The following PKM variants were observed in gnomAD, a reference collection of about 807,000 sequenced individuals.
The protein encoded by PKM is pyruvate kinase M1/2.
Under a neutral mutation model 49.8 loss-of-function variants are expected in PKM, and 18 were observed. The ratio of observed to expected loss-of-function variants is 0.36; its 90% CI spans 0.25 to 0.54. PKM has a LOEUF of 0.54. PKM is among the 20% of genes least tolerant of loss of function. The probability of loss-of-function intolerance (pLI) is 0.89; values close to 1 mark genes in which losing one functional copy is unlikely to be tolerated. For missense variants in PKM, 508 were observed against 713.8 expected, an observed-to-expected ratio of 0.71 and a Z score of 3.28; for synonymous variants, 239 against 261.8, an observed-to-expected ratio of 0.91 and a Z score of 0.84.
chr15:72,215,948 T>C (rs1470307631), intron 3 of PKM, among the ~76,000 whole-genome samples: 1 of 152,182 alleles, frequency 6.6e-6, no homozygotes, highest in Admixed American at 6.5e-5. Context: ...TACAGGGACA[T>C]GTCTTAACCT....
rs943287667 is a variant in PKM, at chr15:72,227,781, A to C, written c.-14+3335T>G. ...AAAAAAAAAAAAAAAAAAACAAAAA[A>C]CTGAAGCAAAATAAACTAAAACCCA... On this transcript the variant is annotated intron_variant, in intron 1 of 10. Transcript: ENST00000335181. Among the ~76,000 whole-genome samples, 41 of 135,614 alleles carry C rather than the reference A, an allele frequency of 3.0e-4. 1 individual carries two copies. The East Asian group carries it at 6.5e-3, about 22-fold the overall frequency. The allele number at this position is 135,614 out of a possible 152,430, so 89.0% of individuals were successfully genotyped here.
chr15:72,202,730 A>G lies in PKM; in HGVS notation c.1141-110T>C, dbSNP rs573521752. ...AGTCACCGGACAGCTGGTGAGGAAC[A>G]TGTTCCTGGGAACAAAGGCCAAGAG... On this transcript the variant is annotated intron_variant, in intron 8 of 10. Coordinates refer to ENST00000335181, the MANE Select transcript of PKM (RefSeq NM_002654.6). This position sits in a 1 kb window ranked among gnomAD's most constrained non-coding sequence, Gnocchi z 4.5. 1 of 994,584 alleles carries G rather than the reference A, an allele frequency of 1.0e-6. No homozygotes were observed. Among genetic ancestry groups the G allele is most frequent in the Non-Finnish European group, 1.5e-6 (1 of 651,844 alleles). The allele number at this position is 994,584 out of a possible 1,614,324, so 61.6% of individuals were successfully genotyped here.
intron 8 of PKM, chr15:72,203,346 G>T: frequency 1.5e-6 from 1 of 665,094 alleles, no homozygotes; most frequent in Non-Finnish European, 2.7e-6. Context: ...CAGAGGTAGG[G>T]TGATGAAAGT....
In PKM at chr15:72,231,136, G is replaced by A. The variant is rs2082856824; in HGVS notation, c.-34C>T. 3.0e-6 allele frequency: 1 copy of A among 329,294 alleles called. No homozygotes were observed. The highest frequency in any genetic ancestry group is 3.8e-5 in the Admixed American group (1 of 26,260). The allele number at this position is 329,294 out of a possible 1,614,324, so 20.4% of individuals were successfully genotyped here. On this transcript the variant is annotated 5_prime_UTR_variant, in exon 1 of 11. Coordinates refer to ENST00000335181, the MANE Select transcript of PKM (RefSeq NM_002654.6). ...CTCACCTCCGGCGCTGACCGACTCG[G>A]GCTACGCTGCAAAGACGAAGAGATC...
At chr15:72,203,049 G>A in intron 8 of PKM, 1 of 1,614,198 alleles carries the variant, frequency 6.2e-7, no homozygotes, top group Non-Finnish European at 8.5e-7. Context: ...AACTATCAAA[G>A]CTGCTGCTAA....
chr15:72,211,319 G>A lies in PKM; in HGVS notation c.247-841C>T, dbSNP rs577653867. 4.7e-3 allele frequency among the ~76,000 whole-genome samples: 710 copies of A among 152,120 alleles called. 3 individuals carry two copies. Among genetic ancestry groups the A allele is most frequent in the Non-Finnish European group, 6.4e-3 (435 of 67,976 alleles). ...CCTGATCTCGTGATCCGCCCACCTC[G>A]GCCTCCCAAAGTGCTGGGATTACAG... On this transcript the variant is annotated intron_variant, in intron 3 of 10. Coordinates refer to ENST00000335181, the MANE Select transcript of PKM (RefSeq NM_002654.6).
At chr15:72,201,257 G>A (rs1321119485) in intron 9 of PKM, 2 of 152,506 alleles carry the variant, frequency 1.3e-5, no homozygotes, top group African/African-American at 4.8e-5. Context: ...AAATCTAGGT[G>A]CTACTCAGCA....
intron 1 of PKM, chr15:72,219,336 C>T (rs2925649): frequency 2.0e-6 from 1 of 491,152 alleles, no homozygotes; most frequent in Non-Finnish European, 3.7e-6. Flanking sequence ...AAGTTAAAAC[C>T]TCCCACCCAC....
chr15:72,230,754 A>G, intron 1 of PKM: 1 of 357,682 alleles, frequency 2.8e-6, no homozygotes, highest in Non-Finnish European at 5.5e-6. Context: ...GGCGCGGAGA[A>G]AGGGGAAGCA....
At chr15:72,206,412 T>C (rs2082079568) in intron 8 of PKM, 1 of 394,856 alleles carries the variant, frequency 2.5e-6, no homozygotes, top group African/African-American at 2.0e-5. Context: ...TGCAGAAGTA[T>C]CCCAGGACTT....
At chr15:72,229,915 AAAAAAAAAAAG>A (rs1280618977) in intron 1 of PKM, among the ~76,000 whole-genome samples, 1 of 151,150 alleles carries the variant, frequency 6.6e-6, no homozygotes, top group East Asian at 2.0e-4. Context: ...GATAATTAAA[AAAAAAAAAAAG>A]AAAGAAAAAA....
chr15:72,229,737 C>A, intron 1 of PKM: 1 of 1,168,156 alleles, frequency 8.6e-7, no homozygotes, highest in South Asian at 1.6e-5. Flanking sequence ...GGCTATGACT[C>A]GTCTAGTCAT....
rs8192392 is a variant in PKM, at chr15:72,219,607, C to T, written c.-13-497G>A. Among the ~76,000 whole-genome samples the T allele has an allele frequency of 3.3e-4, 51 of 152,292 alleles. 1 individual carries two copies. The highest frequency in any genetic ancestry group is 1.0e-3 in the African/African-American group (43 of 41,562). ...AATAGCTGCTTTGTCGTGGGGCACC[C>T]ATATTGCCTCTTTACAATCCTCACC... On this transcript the variant is annotated intron_variant, in intron 1 of 10. Transcript: ENST00000335181.
chr15:72,224,537 T>C (rs1224392687), intron 1 of PKM, among the ~76,000 whole-genome samples: 1 of 152,202 alleles, frequency 6.6e-6, no homozygotes, highest in Non-Finnish European at 1.5e-5. Flanking sequence ...AGTTTTAACA[T>C]CTGCCTCTCT....
chr15:72,202,906 C>G lies in PKM; in HGVS notation c.1141-286G>C, dbSNP rs2081980090. On this transcript the variant is annotated intron_variant, in intron 8 of 10. Coordinates refer to ENST00000335181, the MANE Select transcript of PKM (RefSeq NM_002654.6). The surrounding 1 kb of genome is among the most constrained non-coding windows in gnomAD (Gnocchi z 4.5). ...CATGACCTCCCTGGCGGTGTTCCTA[C>G]AGACGAGAAGAGGCTCTGTGCCCAG... 2.7e-6 allele frequency: 3 copies of G among 1,114,746 alleles called. No individual in the cohort carries two copies. Among genetic ancestry groups the G allele is most frequent in the Non-Finnish European group, 4.1e-6 (3 of 739,844 alleles). The allele number at this position is 1,114,746 out of a possible 1,614,324, so 69.1% of individuals were successfully genotyped here.
chr15:72,230,792 G>A, intron 1 of PKM: 1 of 469,682 alleles, frequency 2.1e-6, no homozygotes, highest in Non-Finnish European at 3.7e-6. Flanking sequence ...GAGGGACCGA[G>A]AGAAGGCAGG....
intron 3 of PKM, 71 bp from the exon 4 acceptor site, chr15:72,210,549 A>G: frequency 6.3e-7 from 1 of 1,581,024 alleles, no homozygotes; most frequent in Middle Eastern, 1.7e-4. Flanking sequence ...CCTGCCCAGG[A>G]GCCAAAGCTG....
chr15:72,207,093 G>A, intron 7 of PKM, 34 bp downstream of exon 7: 1 of 1,611,306 alleles, frequency 6.2e-7, no homozygotes, highest in Non-Finnish European at 8.5e-7. Context: ...ATGCGAGTGT[G>A]CACATGAGAA....
intron 2 of PKM, among the ~76,000 whole-genome samples, chr15:72,217,994 C>G (rs1033929536): frequency 6.6e-6 from 1 of 152,134 alleles, no homozygotes; most frequent in Non-Finnish European, 1.5e-5. Flanking sequence ...GTTATGTAAT[C>G]CAATACATAC....
Sources: allele counts gnomAD v4.1 joint callset (sites outside exome capture counted in the v4.1 genomes callset), GRCh38; gene constraint gnomAD v4.1.1; non-coding constraint Gnocchi (gnomAD v3.1); transcripts MANE v1.5; gene names NCBI Gene and HGNC (gene_info 2026-07-23, HGNC 2026-07-21).